The following KCNC2 variants were observed in gnomAD, a reference collection of about 807,000 sequenced individuals.
KCNC2 encodes potassium voltage-gated channel subfamily C member 2, also known as voltage-gated potassium channel KCNC2.
In KCNC2, 21 loss-of-function variants were observed where a neutral mutation model predicts 44.5. The observed-to-expected ratio is 0.47, with a 90% confidence interval of 0.33 to 0.68. KCNC2 has a LOEUF of 0.68. Ranked by LOEUF, KCNC2 falls within the 30% of genes least tolerant of loss-of-function variation. KCNC2 has a pLI of 0.01. For synonymous variants in KCNC2, 391 were observed against 339.1 expected (o/e 1.15, Z -1.68); for missense variants, 589 against 826.2 (o/e 0.71, Z 3.52).
intron 2 of KCNC2, among the ~76,000 whole-genome samples, chr12:75,202,091 C>A (rs769909509): frequency 6.6e-5 from 10 of 151,812 alleles, no homozygotes; most frequent in Non-Finnish European, 1.5e-4. Flanking sequence ...TTGATCTATA[C>A]CTTCCTTTTC....
intron 2 of KCNC2, among the ~76,000 whole-genome samples, chr12:75,112,521 C>T (rs909947091): frequency 6.6e-6 from 1 of 151,998 alleles, no homozygotes; most frequent in African/African-American, 2.4e-5. Flanking sequence ...TACTGCGTCC[C>T]TATTCTCTCC....
intron 2 of KCNC2, among the ~76,000 whole-genome samples, chr12:75,184,495 T>C (rs775980994): frequency 2.6e-5 from 4 of 152,164 alleles, no homozygotes; most frequent in Non-Finnish European, 4.4e-5. Context: ...ATTTATATAT[T>C]TTTTTCATTT....
chr12:75,084,306 A>AGATG (rs1884796438), intron 2 of KCNC2, among the ~76,000 whole-genome samples: 2 of 148,208 alleles, frequency 1.3e-5, no homozygotes, highest in East Asian at 3.9e-4. Context: ...ATAGATAGAT[A>AGATG]GATAGATAGA....
intron 2 of KCNC2, among the ~76,000 whole-genome samples, chr12:75,091,929 C>T (rs1472918990): frequency 6.6e-6 from 1 of 151,576 alleles, no homozygotes; most frequent in Non-Finnish European, 1.5e-5. Flanking sequence ...TAATGAAGTA[C>T]TCAATTATGG....
At chr12:75,189,330 A>T (rs2029969245) in intron 2 of KCNC2, among the ~76,000 whole-genome samples, 1 of 152,200 alleles carries the variant, frequency 6.6e-6, no homozygotes. Context: ...AACAGAGGAC[A>T]AGGGGTACTC....
At chr12:75,103,674 T>A (rs1886551820) in intron 2 of KCNC2, among the ~76,000 whole-genome samples, 1 of 152,284 alleles carries the variant, frequency 6.6e-6, no homozygotes, top group South Asian at 2.1e-4. Flanking sequence ...TTCCCCCTTA[T>A]CTTTGGGGGA....
chr12:75,121,925 T>C (rs1213993705), intron 2 of KCNC2, among the ~76,000 whole-genome samples: 1 of 129,064 alleles, frequency 7.7e-6, no homozygotes, highest in Non-Finnish European at 1.6e-5. Context: ...GCAGAACTCT[T>C]GGTTATCAGC....
intron 2 of KCNC2, among the ~76,000 whole-genome samples, chr12:75,155,371 A>T (rs1050193793): frequency 6.6e-6 from 1 of 151,860 alleles, no homozygotes; most frequent in Admixed American, 6.6e-5. Flanking sequence ...AACTAAGAAT[A>T]GGAATTTTTT....
rs2031970781 is a variant in KCNC2 at position 75,209,417 on chromosome 12, C to G, written c.-230G>C. Reference sequence around the variant, plus strand: ...CCCGCCGGCCGCCGGCCGCGCTCCCCGCCTTCATTCTGTGATCTGCGGATT... The same window carrying G: ...CCCGCCGGCCGCCGGCCGCGCTCCCGGCCTTCATTCTGTGATCTGCGGATT... On this transcript the variant is annotated 5_prime_UTR_variant, in exon 1 of 5. Transcript: ENST00000549446. The G allele has an allele frequency of 6.6e-6, 1 of 152,394 alleles. No homozygotes were observed. The highest frequency in any genetic ancestry group is 2.1e-4 in the South Asian group (1 of 4,836). 9.4% of individuals were successfully genotyped at this position (152,394 alleles called of 1,614,324 possible). A position where few individuals can be genotyped will look rare whatever the true frequency, so the allele number is the denominator to read the frequency against.
intron 2 of KCNC2, among the ~76,000 whole-genome samples, chr12:75,125,278 A>G (rs1407521014): frequency 1.3e-5 from 2 of 151,914 alleles, no homozygotes; most frequent in Non-Finnish European, 2.9e-5. Context: ...AGGGTGGATA[A>G]TAAATAGATC....
chr12:75,095,912 T>C (rs149316233), intron 2 of KCNC2, among the ~76,000 whole-genome samples: 2 of 152,060 alleles, frequency 1.3e-5, no homozygotes, highest in East Asian at 3.9e-4. Context: ...ACAGGTACTT[T>C]ATATCAAATT....
chr12:75,182,477 C>T (rs1299875168), intron 2 of KCNC2, among the ~76,000 whole-genome samples: 1 of 145,746 alleles, frequency 6.9e-6, no homozygotes, highest in Non-Finnish European at 1.5e-5. Context: ...GCCCAGATCG[C>T]GCCACTGCAC....
chr12:75,040,570 T>A lies in KCNC2; in HGVS notation c.*2535A>T, dbSNP rs1170486064. 1 of 153,696 alleles carries A rather than the reference T, an allele frequency of 6.5e-6. No individual in the cohort carries two copies. The highest frequency in any genetic ancestry group is 1.5e-5 in the Non-Finnish European group (1 of 68,714). The allele number at this position is 153,696 out of a possible 1,614,324, so 9.5% of individuals were successfully genotyped here. On this transcript the variant is annotated 3_prime_UTR_variant, in exon 5 of 5. Transcript: ENST00000549446. ...GATAAAAGACTTAAACTATGAATAA[T>A]GTTGGTGAGTTCCATTTAAGCTATA...
intron 2 of KCNC2, among the ~76,000 whole-genome samples, chr12:75,156,151 G>A (rs879588849): frequency 6.6e-6 from 1 of 151,748 alleles, no homozygotes; most frequent in African/African-American, 2.4e-5. Context: ...AGCTTGATGT[G>A]TCTATATTAG....
Position 75,041,094 on chromosome 12 carries a change from A to T in KCNC2, c.*2011T>A. 6.3e-7 allele frequency: 1 copy of T among 1,595,394 alleles called. No homozygotes were observed. Among genetic ancestry groups the T allele is most frequent in the Non-Finnish European group, 8.5e-7 (1 of 1,177,624 alleles). On this transcript the variant is annotated 3_prime_UTR_variant, in exon 5 of 5. Transcript: ENST00000549446. ...GATCTCTTCCAAGTGCAACCTGGTC[A>T]CATCAGGGCACATTCAGCAGCAGAA... is the stretch of plus-strand genomic sequence containing the variant.
chr12:75,206,494 A>G lies in KCNC2; in HGVS notation c.687+803T>C, dbSNP rs115380466. 4.5e-3 allele frequency among the ~76,000 whole-genome samples: 688 copies of G among 152,322 alleles called. 3 individuals are homozygous for G. Among genetic ancestry groups the G allele is most frequent in the African/African-American group, 0.016 (646 of 41,576 alleles). ...AACCCGAAAAAGAACACTGAGGCTG[A>G]AATCACAATATTAAAAGTAAAATAA... On this transcript the variant is annotated intron_variant, in intron 2 of 4. Transcript: ENST00000549446.
chr12:75,155,506 A>G lies in KCNC2; in HGVS notation c.687+51791T>C, dbSNP rs368165157. Among the ~76,000 whole-genome samples the G allele has an allele frequency of 2.0e-5, 3 of 151,806 alleles. No homozygotes were observed. The South Asian group carries it at 6.2e-4, about 31-fold the overall frequency. On this transcript the variant is annotated intron_variant, in intron 2 of 4. Coordinates refer to ENST00000549446, the MANE Select transcript of KCNC2 (RefSeq NM_139137.4). Reference sequence around the variant, plus strand: ...GCATGATTGTACTGAGTTTCAACCAATTAATGCATATTTCCTTAGAAATCA... The same window carrying G: ...GCATGATTGTACTGAGTTTCAACCAGTTAATGCATATTTCCTTAGAAATCA...
chr12:75,207,860 G>C lies in KCNC2; in HGVS notation c.124C>G (p.Pro42Ala). 6.2e-7 allele frequency: 1 copy of C among 1,612,056 alleles called. No homozygotes were observed. Among genetic ancestry groups the C allele is most frequent in the South Asian group, 1.1e-5 (1 of 91,026 alleles). ...TRLALLASSE[P>A]PGDCLTTAGD... is the part of the protein sequence containing the mutation. ...GCCGTGGTCAAGCAGTCGCCTGGGG[G>C]CTCGGAGGAGGCAAGAAGGGCCAGG... The change falls in exon 2 of 5, where the codon CCC becomes GCC. Residue 42 changes from proline (P) to alanine (A), a missense_variant. By Grantham distance (27) the Pro-to-Ala change is conservative. Coordinates refer to ENST00000549446, the MANE Select transcript of KCNC2 (RefSeq NM_139137.4). The surrounding 1 kb of genome is among the most constrained non-coding windows in gnomAD (Gnocchi z 4.1).
intron 2 of KCNC2, among the ~76,000 whole-genome samples, chr12:75,110,986 T>G (rs1887191164): frequency 6.6e-6 from 1 of 152,132 alleles, no homozygotes; most frequent in Non-Finnish European, 1.5e-5. Context: ...AAAACTGTCA[T>G]TAGACTATAT....
Sources: gnomAD v4.1 joint callset for allele counts (sites outside exome capture counted in the v4.1 genomes callset) on GRCh38, gnomAD v4.1.1 for gene constraint, Gnocchi (gnomAD v3.1) non-coding constraint, MANE v1.5 for transcripts, NCBI Gene and HGNC (gene_info 2026-07-23, HGNC 2026-07-21) for gene names.